The following GBE1 variants were observed in gnomAD, a reference collection of about 807,000 sequenced individuals.
GBE1 encodes 1,4-alpha-glucan-branching enzyme.
In GBE1, 70 loss-of-function variants were observed where a neutral mutation model predicts 88.8. The ratio of observed to expected loss-of-function variants is 0.79; its 90% CI spans 0.65 to 0.96. The LOEUF (loss-of-function observed/expected upper bound fraction) is 0.96. Ranked by LOEUF, GBE1 falls within the 40% of genes least tolerant of loss-of-function variation. The pLI, the probability that GBE1 is intolerant of heterozygous loss-of-function variation, is 0.00. For missense variants in GBE1, 872 were observed against 871.0 expected, an observed-to-expected ratio of 1.00 and a Z score of -0.01; for synonymous variants, 284 against 300.1, an observed-to-expected ratio of 0.95 and a Z score of 0.56.
chr3:81,538,853 C>T (rs954640477), intron 12 of GBE1, among the ~76,000 whole-genome samples: 1 of 152,118 alleles, frequency 6.6e-6, no homozygotes, highest in Admixed American at 6.6e-5. Flanking sequence ...TGGATCCAGG[C>T]TTCCCATAGG....
chr3:81,510,273 A>G (rs1702707245), intron 14 of GBE1, among the ~76,000 whole-genome samples: 1 of 152,166 alleles, frequency 6.6e-6, no homozygotes, highest in Non-Finnish European at 1.5e-5. Flanking sequence ...ATATATTTAA[A>G]ATCTGGAAAT....
At chr3:81,586,069 A>G (rs368455510) in intron 10 of GBE1, 23 bp downstream of exon 10, 11 of 1,476,954 alleles carry the variant, frequency 7.4e-6, no homozygotes, top group Admixed American at 1.8e-5. Context: ...ACAGAAACAA[A>G]AAATATTTAC....
At chr3:81,603,614 C>G (rs941843995) in intron 7 of GBE1, among the ~76,000 whole-genome samples, 18 of 152,120 alleles carry the variant, frequency 1.2e-4, no homozygotes, top group African/African-American at 3.6e-4. Flanking sequence ...CTTGCCTCAG[C>G]CTCCCAAGTA....
At chr3:81,630,624 T>G (rs1346283368) in intron 7 of GBE1, among the ~76,000 whole-genome samples, 1 of 152,132 alleles carries the variant, frequency 6.6e-6, no homozygotes, top group Admixed American at 6.6e-5. Flanking sequence ...TTATGAATAT[T>G]AAATACACAT....
intron 14 of GBE1, among the ~76,000 whole-genome samples, chr3:81,501,227 TG>T (rs1389907539): frequency 3.3e-5 from 5 of 152,164 alleles, no homozygotes; most frequent in African/African-American, 1.2e-4. Context: ...GGCAGTAAAT[TG>T]TGGGAAAACA....
At position 81,593,936 on chromosome 3, in the gene GBE1, C is replaced by T. The variant is rs200645261; in HGVS notation, c.1080G>A (p.Thr360=). Residue 360 remains threonine (T), a synonymous_variant, in exon 8 of 16, where the codon ACG becomes ACA. Coordinates refer to ENST00000429644, the MANE Select transcript of GBE1 (RefSeq NM_000158.4). Reference sequence around the variant, plus strand: ...CTCCATGGTGATGATAAAGCATGGACGTAACACCATCAAAACGAAATCCAT... The same window carrying T: ...CTCCATGGTGATGATAAAGCATGGATGTAACACCATCAAAACGAAATCCAT... ...RFDGFRFDGV[T]SMLYHHHGVG... 7.2e-5 allele frequency: 113 copies of T among 1,575,498 alleles called. No homozygotes were observed. In the African/African-American group the frequency reaches 7.8e-4, roughly 11 times the overall value.
At chr3:81,728,645 G>T (rs1249402959) in intron 1 of GBE1, among the ~76,000 whole-genome samples, 1 of 151,998 alleles carries the variant, frequency 6.6e-6, no homozygotes, top group Admixed American at 6.6e-5. Flanking sequence ...AGAGGAGGAG[G>T]AGAGAGGGGA....
intron 7 of GBE1, among the ~76,000 whole-genome samples, chr3:81,596,437 C>T (rs1022842191): frequency 4.0e-5 from 6 of 151,758 alleles, no homozygotes; most frequent in Non-Finnish European, 8.8e-5. Context: ...TCTCTCCCCG[C>T]TAAGTCGATT....
intron 12 of GBE1, among the ~76,000 whole-genome samples, chr3:81,548,139 C>G (rs1428254292): frequency 1.3e-5 from 2 of 151,398 alleles, no homozygotes; most frequent in East Asian, 3.9e-4. Flanking sequence ...CTCTAGGAAC[C>G]ATCTTTGGAG....
At chr3:81,634,111 A>G (rs921424387) in intron 7 of GBE1, among the ~76,000 whole-genome samples, 4 of 152,174 alleles carry the variant, frequency 2.6e-5, no homozygotes, top group African/African-American at 9.7e-5. Flanking sequence ...GGTTGCCAGT[A>G]AGAACCACCT....
intron 1 of GBE1, among the ~76,000 whole-genome samples, chr3:81,734,796 C>A (rs1387476966): frequency 6.6e-6 from 1 of 152,132 alleles, no homozygotes; most frequent in Non-Finnish European, 1.5e-5. Context: ...TGTGGCATTC[C>A]AGGTGCAAAG....
At chr3:81,686,337 G>A (rs1218162184) in intron 2 of GBE1, among the ~76,000 whole-genome samples, 1 of 152,148 alleles carries the variant, frequency 6.6e-6, no homozygotes, top group Non-Finnish European at 1.5e-5. Context: ...ATACCTATAT[G>A]GAGGCGGGAG....
chr3:81,580,519 G>A (rs1703712027), intron 11 of GBE1, among the ~76,000 whole-genome samples: 1 of 152,104 alleles, frequency 6.6e-6, no homozygotes. Flanking sequence ...AATGGGTAGG[G>A]ATTTCAAAGT....
chr3:81,679,626 C>T (rs948716392), intron 2 of GBE1, among the ~76,000 whole-genome samples: 1 of 152,146 alleles, frequency 6.6e-6, no homozygotes, highest in Non-Finnish European at 1.5e-5. Flanking sequence ...CTAGCTGTAA[C>T]CAATAGCTTT....
Position 81,756,319 on chromosome 3 carries a change from C to T in GBE1, c.143+5056G>A, listed in dbSNP as rs540863053. Among the ~76,000 whole-genome samples, 145 of 152,308 alleles carry T rather than the reference C, an allele frequency of 9.5e-4. No homozygotes were observed. The Middle Eastern group carries it at 0.01, about 11-fold the overall frequency. Reference sequence around the variant, plus strand: ...CTAGTAACTACTCCTGTTCCCTGTTCATCTACCCTAGTAATCCAGACATTT... The same window carrying T: ...CTAGTAACTACTCCTGTTCCCTGTTTATCTACCCTAGTAATCCAGACATTT... On this transcript the variant is annotated intron_variant, in intron 1 of 15. Transcript: ENST00000429644.
intron 12 of GBE1, among the ~76,000 whole-genome samples, chr3:81,537,714 A>G (rs997234665): frequency 8.6e-5 from 13 of 151,972 alleles, no homozygotes; most frequent in African/African-American, 3.1e-4. Context: ...AACTCAGGTC[A>G]TTACTTTTAT....
rs971903730 is a variant in GBE1, at chr3:81,536,833, A to G, written c.1803+78T>C. The G allele has an allele frequency of 2.8e-6, 3 of 1,074,706 alleles. No individual in the cohort carries two copies. In the African/African-American group the frequency reaches 5.0e-5, roughly 18 times the overall value. 66.6% of individuals were successfully genotyped at this position (1,074,706 alleles called of 1,614,324 possible). Reference sequence around the variant, plus strand: ...AAATTGCTGTTTAAAAGATCTGCATAGAGATTTAAATTGGTTGCCATTCTA... The same window carrying G: ...AAATTGCTGTTTAAAAGATCTGCATGGAGATTTAAATTGGTTGCCATTCTA... On this transcript the variant is annotated intron_variant, in intron 13 of 15. Coordinates refer to ENST00000429644, the MANE Select transcript of GBE1 (RefSeq NM_000158.4).
At chr3:81,593,816 T>A in intron 8 of GBE1, 92 bp downstream of exon 8, 1 of 637,190 alleles carries the variant, frequency 1.6e-6, no homozygotes, top group Non-Finnish European at 2.8e-6. Context: ...AGAGAAAGCA[T>A]ATGTAATGGA....
intron 1 of GBE1, among the ~76,000 whole-genome samples, chr3:81,708,326 A>T (rs569931969): frequency 5.9e-5 from 9 of 152,204 alleles, no homozygotes; most frequent in African/African-American, 1.9e-4. Context: ...AACCAAAATA[A>T]CTTCCAGAGA....
Sources: allele counts gnomAD v4.1 joint callset (sites outside exome capture counted in the v4.1 genomes callset), GRCh38; gene constraint gnomAD v4.1.1; transcripts MANE v1.5; gene names NCBI Gene and HGNC (gene_info 2026-07-23, HGNC 2026-07-21).